The following TMCC2 variants were observed in gnomAD, a reference collection of about 807,000 sequenced individuals.
TMCC2 encodes transmembrane and coiled-coil domain family 2, also known as transmembrane and coiled-coil domains protein 2.
In TMCC2, 16 loss-of-function variants were observed where a neutral mutation model predicts 49.4. The ratio of observed to expected loss-of-function variants is 0.32; its 90% CI spans 0.22 to 0.49. The LOEUF is 0.49. Ranked by LOEUF, TMCC2 falls within the 20% of genes least tolerant of loss-of-function variation. TMCC2 has a pLI of 0.99. For synonymous variants in TMCC2, 397 were observed against 434.1 expected, an observed-to-expected ratio of 0.91 and a Z score of 1.06; for missense variants, 762 against 989.8, an observed-to-expected ratio of 0.77 and a Z score of 3.09.
chr1:205,230,996 A>AG (rs1201079316), intron 1 of TMCC2, among the ~76,000 whole-genome samples: 1 of 2,884 alleles, frequency 3.5e-4, no homozygotes. Context: ...CCATCCCCCC[A>AG]TCCCCCCCCC....
intron 2 of TMCC2, among the ~76,000 whole-genome samples, chr1:205,250,248 T>C (rs2102565115): frequency 6.6e-6 from 1 of 152,218 alleles, no homozygotes; most frequent in African/African-American, 2.4e-5. Context: ...TCTTTCTAGA[T>C]TGAAAATATC....
At chr1:205,271,500 A>C (rs568189972) in intron 4 of TMCC2, among the ~76,000 whole-genome samples, 1 of 152,296 alleles carries the variant, frequency 6.6e-6, no homozygotes, top group East Asian at 1.9e-4. Flanking sequence ...CATGCCCCCC[A>C]CCTCTTTGAT....
chr1:205,271,854 G>T lies in TMCC2; in HGVS notation c.1860G>T (p.Glu620Asp). ...GCCTGACCCGGGTCACCAAGCTGGA[G>T]CTGCAGCAGCAACAGCAGCAGGTGG... The part of the protein sequence containing the change: ...ESCLTRVTKL[E>D]LQQQQQQVVQ... Residue 620 changes from glutamate to aspartate, a missense_variant, in exon 5 of 5, where the codon GAG becomes GAT. Coordinates refer to ENST00000358024, the MANE Select transcript of TMCC2 (RefSeq NM_014858.4). The T allele has an allele frequency of 6.2e-7, 1 of 1,613,570 alleles. No homozygotes were observed.
chr1:205,242,788 G>T (rs1660323028), intron 2 of TMCC2, among the ~76,000 whole-genome samples: 1 of 152,120 alleles, frequency 6.6e-6, no homozygotes, highest in African/African-American at 2.4e-5. Flanking sequence ...AGAGAGCGAG[G>T]AGCTGGCAAA....
At chr1:205,236,822 G>C (rs1356499518) in intron 1 of TMCC2, 1 of 152,346 alleles carries the variant, frequency 6.6e-6, no homozygotes, top group Non-Finnish European at 1.5e-5. Flanking sequence ...AGGATGCAAA[G>C]AGGCAGAGAG....
chr1:205,253,230 A>T (rs1660738309), intron 2 of TMCC2, among the ~76,000 whole-genome samples: 1 of 152,140 alleles, frequency 6.6e-6, no homozygotes, highest in Non-Finnish European at 1.5e-5. Flanking sequence ...AAATAAAAAA[A>T]ATAAGATTTA....
chr1:205,246,536 G>C, intron 2 of TMCC2: 1 of 1,532,764 alleles, frequency 6.5e-7, no homozygotes, highest in South Asian at 1.2e-5. Context: ...GGAGAAGTCT[G>C]TTCTCAGAGT....
At chr1:205,260,776 C>T (rs1661075783) in intron 2 of TMCC2, among the ~76,000 whole-genome samples, 2 of 140,158 alleles carry the variant, frequency 1.4e-5, no homozygotes, top group African/African-American at 5.3e-5. Flanking sequence ...TGGAATCATT[C>T]ATTATGTGGC....
chr1:205,266,652 C>T (rs1367691045), intron 2 of TMCC2, among the ~76,000 whole-genome samples: 1 of 150,236 alleles, frequency 6.7e-6, no homozygotes, highest in Non-Finnish European at 1.5e-5. Context: ...TCTAGCAATA[C>T]AGAGTAAATT....
chr1:205,259,671 C>A (rs1283443283), intron 2 of TMCC2, among the ~76,000 whole-genome samples: 1 of 152,168 alleles, frequency 6.6e-6, no homozygotes, highest in African/African-American at 2.4e-5. Flanking sequence ...CGGGTTGACA[C>A]GAGGACACTG....
rs529347468 is a variant in TMCC2, at chr1:205,239,646, T to A, written c.208-1859T>A. ...AATGGGATAATGCAGGATACAAATC[T>A]CCTTTGAAATGAAAAACCGTTAGTT... On this transcript the variant is annotated intron_variant, in intron 1 of 4. Coordinates refer to ENST00000358024, the MANE Select transcript of TMCC2 (RefSeq NM_014858.4). Among the ~76,000 whole-genome samples the A allele has an allele frequency of 7.9e-4, 121 of 152,306 alleles. 1 individual carries two copies. Among genetic ancestry groups the A allele is most frequent in the South Asian group, 4.8e-3 (23 of 4,832 alleles).
In TMCC2 at chr1:205,241,607, G is replaced by T. The variant is rs1355170354; in HGVS notation, c.310G>T (p.Asp104Tyr). ...GGAAAGGGAGCACCAGACGTCTCAG[G>T]ATTCCCAGCAGCATCAGCAGCAGCA... is the stretch of plus-strand genomic sequence containing the variant. ...SREREHQTSQDSQQHQQQQGM... is the reference protein window; with the variant it reads ...SREREHQTSQYSQQHQQQQGM... The change falls in exon 2 of 5, where the codon GAT (aspartate) becomes TAT (tyrosine). Residue 104 changes from aspartate to tyrosine, a missense_variant. This residue lies in a region of TMCC2 where 322 missense variants were observed against 353.1 expected (regional missense o/e 0.91). Transcript: ENST00000358024. The surrounding 1 kb of genome is among the most constrained non-coding windows in gnomAD (Gnocchi z 7.3). 7 of 1,613,854 alleles carry T rather than the reference G, an allele frequency of 4.3e-6. No individual in the cohort carries two copies. The highest frequency in any genetic ancestry group is 5.9e-6 in the Non-Finnish European group (7 of 1,180,022).
rs1299295133 is a variant in TMCC2 at position 205,228,706 on chromosome 1, A to C, written c.142A>C (p.Thr48Pro). The change falls in exon 1 of 5, where the codon ACT (threonine) becomes CCT (proline). Residue 48 changes from threonine to proline, a missense_variant. Thr to Pro is a conservative substitution (Grantham distance 38, BLOSUM62 -1). Transcript: ENST00000358024. ...TTGANSAGGP[T>P]SDAGAAAAPN... ...GGGTGCTAACTCTGCTGGCGGGCCAACTTCAGACGCCGGCGCTGCCGCGGC... is the reference window on the plus strand; with the variant it reads ...GGGTGCTAACTCTGCTGGCGGGCCACCTTCAGACGCCGGCGCTGCCGCGGC... 3.1e-6 allele frequency: 5 copies of C among 1,611,820 alleles called. No homozygotes were observed. The highest frequency in any genetic ancestry group is 1.3e-5 in the African/African-American group (1 of 74,882).
intron 1 of TMCC2, among the ~76,000 whole-genome samples, chr1:205,230,415 C>G (rs1372621206): frequency 2.0e-5 from 3 of 152,090 alleles, no homozygotes; most frequent in Non-Finnish European, 4.4e-5. Flanking sequence ...CCAGGGAGTC[C>G]TTGGTGTTTA....
At chr1:205,248,321 A>T (rs967949807) in intron 2 of TMCC2, among the ~76,000 whole-genome samples, 2 of 152,044 alleles carry the variant, frequency 1.3e-5, no homozygotes, top group Non-Finnish European at 2.9e-5. Context: ...AGGTGGGAGG[A>T]TCACTTGAGC....
In TMCC2 at chr1:205,228,681, G is replaced by GGA; in HGVS notation, c.118_119insAG (p.Gly40GlufsTer30). On this transcript the variant is annotated frameshift_variant, in exon 1 of 5. Coordinates refer to ENST00000358024, the MANE Select transcript of TMCC2 (RefSeq NM_014858.4). LOFTEE classifies it high-confidence loss of function. ...CGGACCTCCGGCCTGGGGAGACCAC[G>GGA]GGTGCTAACTCTGCTGGCGGGCCAA... is the stretch of plus-strand genomic sequence containing the variant. 1 of 1,612,876 alleles carries GGA rather than the reference G, an allele frequency of 6.2e-7. No individual in the cohort carries two copies. Among genetic ancestry groups the GGA allele is most frequent in the Non-Finnish European group, 8.5e-7 (1 of 1,179,882 alleles).
chr1:205,242,075 C>T (rs918880034), intron 2 of TMCC2, 31 bp downstream of exon 2: 2 of 1,543,242 alleles, frequency 1.3e-6, no homozygotes, highest in Non-Finnish European at 1.7e-6. Flanking sequence ...CAGGGGGAGA[C>T]TCAGAGGCAA....
chr1:205,236,976 G>A (rs1485680778), intron 1 of TMCC2: 1 of 152,174 alleles, frequency 6.6e-6, no homozygotes, highest in Non-Finnish European at 1.5e-5. Context: ...ATAAAGGAAA[G>A]AGGAATCAAA....
rs1659662396 is a variant in TMCC2, at chr1:205,228,659, A to AC, written c.97dup (p.Leu33ProfsTer10). On this transcript the variant is annotated frameshift_variant, in exon 1 of 5. Transcript: ENST00000358024. LOFTEE classifies it high-confidence loss of function. ...GCCGCTTCCCACCTGCCGGGCGCGG[A>AC]CCTCCGGCCTGGGGAGACCACGGGT... 1.6e-5 allele frequency: 26 copies of AC among 1,612,918 alleles called. No homozygotes were observed. Among genetic ancestry groups the AC allele is most frequent in the Non-Finnish European group, 2.1e-5 (25 of 1,179,788 alleles).
Sources: gnomAD v4.1 joint callset for allele counts (sites outside exome capture counted in the v4.1 genomes callset) on GRCh38, gnomAD v4.1.1 for gene constraint, gnomAD v4.1.1 regional missense constraint, Gnocchi (gnomAD v3.1) non-coding constraint, MANE v1.5 for transcripts, NCBI Gene and HGNC (gene_info 2026-07-23, HGNC 2026-07-21) for gene names.